Variants in HDAC4 observed in about 807,000 individuals in gnomAD.
The protein encoded by HDAC4 is histone deacetylase A.
Under a neutral mutation model 135.1 loss-of-function variants are expected in HDAC4, and 16 were observed. The ratio of observed to expected loss-of-function variants is 0.12; its 90% CI spans 0.08 to 0.18. The LOEUF (loss-of-function observed/expected upper bound fraction) is 0.18. HDAC4 is among the 10% of genes least tolerant of loss of function. The pLI is 1.00. For missense variants in HDAC4, 1,143 were observed against 1,511.8 expected, an observed-to-expected ratio of 0.76 and a Z score of 4.05; for synonymous variants, 685 against 653.4, an observed-to-expected ratio of 1.05 and a Z score of -0.74.
intron 2 of HDAC4, 38 bp from the exon 3 acceptor site, chr2:239,236,702 C>G: frequency 2.0e-6 from 3 of 1,470,988 alleles, no homozygotes; most frequent in East Asian, 2.5e-5. Context: ...AGAAACTGCG[C>G]GCATTTCAGC....
chr2:239,213,603 GGC>G (rs1312170991), intron 3 of HDAC4, among the ~76,000 whole-genome samples: 1 of 152,206 alleles, frequency 6.6e-6, no homozygotes, highest in Non-Finnish European at 1.5e-5. Flanking sequence ...CTCGGAGAGT[GGC>G]CGGAGCCACT....
At position 239,380,626 on chromosome 2, in the gene HDAC4, C is replaced by T. The variant is rs541382459; in HGVS notation, c.-220+20352G>A. Reference sequence around the variant, plus strand: ...ATTCTAGAAATTGGGTGCACAACCACGTGAATATAATTAACACTGCTGAAC... The same window carrying T: ...ATTCTAGAAATTGGGTGCACAACCATGTGAATATAATTAACACTGCTGAAC... On this transcript the variant is annotated intron_variant, in intron 1 of 26. Coordinates refer to ENST00000543185, the MANE Select transcript of HDAC4 (RefSeq NM_001378414.1). Among the ~76,000 whole-genome samples, 7 of 152,228 alleles carry T rather than the reference C, an allele frequency of 4.6e-5. No homozygotes were observed. The East Asian group carries it at 5.8e-4, about 13-fold the overall frequency.
chr2:239,066,708 T>TG lies in HDAC4; in HGVS notation c.3003+13dup. 1 of 1,613,472 alleles carries TG rather than the reference T, an allele frequency of 6.2e-7. No individual in the cohort carries two copies. The highest frequency in any genetic ancestry group is 8.5e-7 in the Non-Finnish European group (1 of 1,180,006). On this transcript the variant is annotated intron_variant, in intron 24 of 26. Transcript: ENST00000543185. Reference sequence around the variant, plus strand: ...AGTGTGGAGCATCCTGTGGGGTCTCTGGGGTCTTCCTACCTCGTTTCCCAG... The same window carrying TG: ...AGTGTGGAGCATCCTGTGGGGTCTCTGGGGGTCTTCCTACCTCGTTTCCCAG...
intron 5 of HDAC4, among the ~76,000 whole-genome samples, chr2:239,176,168 ACTCCCTCCCTCTGCCCGGC>A (rs1181234982): frequency 1.7e-5 from 2 of 118,042 alleles, no homozygotes; most frequent in African/African-American, 3.3e-5. Context: ...CCATGCCCCC[ACTCCCTCCCTCTGCCCGGC>A]CTCCCTCCCT....
At position 239,262,082 on chromosome 2, in the gene HDAC4, T is replaced by C. The variant is rs1307048940; in HGVS notation, c.23-25418A>G. The stretch of plus-strand genomic sequence containing the variant: ...CCCTTGTCGCTCCAAGGGAAAGCCC[T>C]GAGGGACCCTCCCAACCACGCCAGC... On this transcript the variant is annotated intron_variant, in intron 2 of 26. Transcript: ENST00000543185. The surrounding 1 kb of genome is among the most constrained non-coding windows in gnomAD (Gnocchi z 4.1). Among the ~76,000 whole-genome samples the C allele has an allele frequency of 2.0e-5, 3 of 152,116 alleles. No homozygotes were observed. Among genetic ancestry groups the C allele is most frequent in the African/African-American group, 4.8e-5 (2 of 41,422 alleles).
intron 4 of HDAC4, among the ~76,000 whole-genome samples, chr2:239,179,694 G>A (rs755234646): frequency 2.0e-5 from 3 of 152,230 alleles, no homozygotes; most frequent in Non-Finnish European, 4.4e-5. Context: ...AGTGGCTGAG[G>A]GGTAGGAAAG....
At chr2:239,166,220 GC>G (rs1278486453) in intron 5 of HDAC4, among the ~76,000 whole-genome samples, 5 of 152,234 alleles carry the variant, frequency 3.3e-5, no homozygotes, top group African/African-American at 1.2e-4. Context: ...GCAATGAGAC[GC>G]CTGGAAACAG....
chr2:239,193,473 GC>G (rs2153052828), intron 3 of HDAC4, among the ~76,000 whole-genome samples: 1 of 152,394 alleles, frequency 6.6e-6, no homozygotes, highest in Non-Finnish European at 1.5e-5. Context: ...CCGCTGGGGC[GC>G]CGAGGAGCAC....
In HDAC4 at chr2:239,049,022, C is replaced by A. The variant is rs2030418014; in HGVS notation, c.*4075G>T. 6.6e-6 allele frequency: 1 copy of A among 152,214 alleles called. No individual in the cohort carries two copies. Among genetic ancestry groups the A allele is most frequent in the Non-Finnish European group, 1.5e-5 (1 of 68,030 alleles). The allele number at this position is 152,214 out of a possible 1,614,324, so 9.4% of individuals were successfully genotyped here. On this transcript the variant is annotated 3_prime_UTR_variant, in exon 27 of 27. Transcript: ENST00000543185. ...ATAAAAGGAAACAAACAAAACAAAA[C>A]AAAACAAAATTCCTCCAAATCAACT...
At chr2:239,257,313 G>A (rs72988702) in intron 2 of HDAC4, among the ~76,000 whole-genome samples, 1,909 of 151,870 alleles carry the variant, frequency 0.013, 9 homozygotes, top group Middle Eastern at 0.034. Context: ...ACAAAAGCTG[G>A]ACAAATATAA....
At chr2:239,314,171 A>G (rs1225376441) in intron 2 of HDAC4, among the ~76,000 whole-genome samples, 1 of 152,220 alleles carries the variant, frequency 6.6e-6, no homozygotes, top group African/African-American at 2.4e-5. Context: ...AGCACCAGGC[A>G]GAAACCTTCT....
chr2:239,150,861 C>A (rs1246550417), intron 7 of HDAC4, among the ~76,000 whole-genome samples: 2 of 149,732 alleles, frequency 1.3e-5, no homozygotes, highest in Admixed American at 6.7e-5. Flanking sequence ...GGAAGTCTCA[C>A]CATGCTGCAC....
chr2:239,094,929 G>A, intron 17 of HDAC4, 81 bp downstream of exon 17: 2 of 1,610,202 alleles, frequency 1.2e-6, no homozygotes, highest in South Asian at 1.1e-5. Context: ...TTCACTTTGA[G>A]GGAAGCAAGG....
intron 4 of HDAC4, among the ~76,000 whole-genome samples, chr2:239,180,849 C>T (rs1298874516): frequency 6.6e-6 from 1 of 152,232 alleles, no homozygotes; most frequent in African/African-American, 2.4e-5. Context: ...TGGACTGAGG[C>T]TGCCCCAGCC....
At chr2:239,059,763 T>A (rs1267967166) in intron 24 of HDAC4, among the ~76,000 whole-genome samples, 1 of 152,052 alleles carries the variant, frequency 6.6e-6, no homozygotes, top group Non-Finnish European at 1.5e-5. Flanking sequence ...GGGAGAACAC[T>A]CCTAGGGAGC....
intron 3 of HDAC4, among the ~76,000 whole-genome samples, chr2:239,212,581 CT>C (rs2153100011): frequency 6.6e-6 from 1 of 152,326 alleles, no homozygotes; most frequent in South Asian, 2.1e-4. Flanking sequence ...CTCATCCCTT[CT>C]GCCCCCCATA....
At chr2:239,312,073 T>C (rs1448834179) in intron 2 of HDAC4, among the ~76,000 whole-genome samples, 3 of 152,140 alleles carry the variant, frequency 2.0e-5, no homozygotes, top group Non-Finnish European at 4.4e-5. Context: ...CCAGATCATC[T>C]CAGTTTAGAC....
At chr2:239,360,835 C>T (rs1007934309) in intron 1 of HDAC4, among the ~76,000 whole-genome samples, 10 of 152,336 alleles carry the variant, frequency 6.6e-5, no homozygotes, top group African/African-American at 2.4e-4. Context: ...TCTTTTCTCC[C>T]CATAGAAGTA....
intron 3 of HDAC4, among the ~76,000 whole-genome samples, chr2:239,209,649 C>T (rs563743920): frequency 1.3e-5 from 2 of 152,288 alleles, no homozygotes; most frequent in South Asian, 2.1e-4. Flanking sequence ...CAAAATATGA[C>T]GTTGTTACAT....
Sources: allele counts gnomAD v4.1 joint callset (sites outside exome capture counted in the v4.1 genomes callset), GRCh38; gene constraint gnomAD v4.1.1; non-coding constraint Gnocchi (gnomAD v3.1); transcripts MANE v1.5; gene names NCBI Gene and HGNC (gene_info 2026-07-23, HGNC 2026-07-21).